The following ACTN4 variants were observed in gnomAD, a reference collection of about 807,000 sequenced individuals.
ACTN4 encodes alpha-actinin-4.
Under a neutral mutation model 114.2 loss-of-function variants are expected in ACTN4, and 18 were observed. The observed-to-expected ratio is 0.16, with a 90% CI of 0.11 to 0.23. The LOEUF is 0.23. Ranked by LOEUF, ACTN4 falls within the 10% of genes least tolerant of loss-of-function variation. ACTN4 has a pLI of 1.00. For missense variants in ACTN4, 722 were observed against 1,262.9 expected (o/e 0.57, Z 6.49); for synonymous variants, 515 against 506.3 (o/e 1.02, Z -0.23).
At chr19:38,682,023 G>A (rs1967593163) in intron 1 of ACTN4, among the ~76,000 whole-genome samples, 1 of 152,048 alleles carries the variant, frequency 6.6e-6, no homozygotes, top group African/African-American at 2.4e-5. Context: ...TAGAGACGGG[G>A]TTTTGCCATG....
At chr19:38,694,353 A>G (rs1013760994) in intron 1 of ACTN4, among the ~76,000 whole-genome samples, 2 of 151,036 alleles carry the variant, frequency 1.3e-5, no homozygotes, top group Non-Finnish European at 2.9e-5. Flanking sequence ...TCTACCTCCC[A>G]GGTTCAAGCG....
chr19:38,657,290 G>A (rs371298620), intron 1 of ACTN4, among the ~76,000 whole-genome samples: 2 of 151,944 alleles, frequency 1.3e-5, no homozygotes, highest in East Asian at 3.9e-4. Flanking sequence ...TTACAGGCGC[G>A]CGCCACGACG....
chr19:38,697,690 G>A (rs546082951), intron 1 of ACTN4, among the ~76,000 whole-genome samples: 2 of 152,370 alleles, frequency 1.3e-5, no homozygotes, highest in East Asian at 3.9e-4. Context: ...CAGCCCAGGT[G>A]CCTAGGTCTG....
At chr19:38,713,829 T>C (rs1195655660) in intron 8 of ACTN4, among the ~76,000 whole-genome samples, 1 of 152,130 alleles carries the variant, frequency 6.6e-6, no homozygotes, top group Non-Finnish European at 1.5e-5. Flanking sequence ...CTGCCTCCTC[T>C]ACACTGTTCA....
chr19:38,710,482 C>T (rs1568729916), intron 8 of ACTN4, 140 bp downstream of exon 8: 7 of 882,446 alleles, frequency 7.9e-6, no homozygotes, highest in South Asian at 4.0e-5. Context: ...AGCTCCCTGG[C>T]GTTGCTGCCC....
At position 38,688,454 on chromosome 19, in the gene ACTN4, C is replaced by T. The variant is rs1030195606; in HGVS notation, c.163-12146C>T. On this transcript the variant is annotated intron_variant, in intron 1 of 20. Transcript: ENST00000252699. The stretch of plus-strand genomic sequence containing the variant: ...GACATGGTGGTGGGCGCCTGTTGTC[C>T]CAGCTAGTGGGGAGGCTGAGGTGGG... Among the ~76,000 whole-genome samples, 4 of 150,180 alleles carry T rather than the reference C, an allele frequency of 2.7e-5. No homozygotes were observed. The South Asian group carries it at 6.3e-4, about 24-fold the overall frequency.
chr19:38,710,359 G>A lies in ACTN4; in HGVS notation c.819+17G>A, dbSNP rs764678933. On this transcript the variant is annotated intron_variant, in intron 8 of 20. Coordinates refer to ENST00000252699, the MANE Select transcript of ACTN4 (RefSeq NM_004924.6). ...GCGCAGAAGGTACCGAGCAGGGCCA[G>A]GCAGGCCCTCCTCGCCGCCACCGCG... The A allele has an allele frequency of 1.3e-5, 21 of 1,612,244 alleles. No individual in the cohort carries two copies. In the Admixed American group the frequency reaches 3.3e-4, roughly 26 times the overall value.
chr19:38,647,698 A>G lies in ACTN4; in HGVS notation c.-48A>G, dbSNP rs1013656637. The G allele has an allele frequency of 6.6e-7, 1 of 1,514,732 alleles. No individual in the cohort carries two copies. The allele number at this position is 1,514,732 out of a possible 1,614,324, so 93.8% of individuals were successfully genotyped here. On this transcript the variant is annotated 5_prime_UTR_variant, in exon 1 of 21. Transcript: ENST00000252699. Reference sequence around the variant, plus strand: ...GCGGCGGCTCGGGCAGAGGGGCGGGAGCTGAGGCGGGAGCGGACAGGCTGG... The same window carrying G: ...GCGGCGGCTCGGGCAGAGGGGCGGGGGCTGAGGCGGGAGCGGACAGGCTGG...
In ACTN4 at chr19:38,724,198, G is replaced by A. The variant is rs150938830; in HGVS notation, c.1734G>A (p.Pro578=). The change falls in exon 15 of 21, where the codon CCG becomes CCA. Residue 578 remains proline (P), a synonymous_variant. Coordinates refer to ENST00000252699, the MANE Select transcript of ACTN4 (RefSeq NM_004924.6). This position sits in a 1 kb window ranked among gnomAD's most constrained non-coding sequence, Gnocchi z 7.0. ...SAHDQFKSTL[P]DADREREAIL... ...ATGACCAGTTCAAGTCCACCCTGCC[G>A]GACGCCGATAGGGAGCGCGAGGCCA... is the stretch of plus-strand genomic sequence containing the variant. 4.6e-4 allele frequency: 750 copies of A among 1,613,852 alleles called. 1 individual carries two copies. Among genetic ancestry groups the A allele is most frequent in the Middle Eastern group, 6.6e-4 (4 of 6,062 alleles).
At chr19:38,697,846 C>T (rs1009752750) in intron 1 of ACTN4, among the ~76,000 whole-genome samples, 3 of 152,358 alleles carry the variant, frequency 2.0e-5, no homozygotes, top group African/African-American at 7.2e-5. Flanking sequence ...GCATCCGTGG[C>T]CACTTCCTTC....
chr19:38,726,237 G>A (rs569239429), intron 17 of ACTN4, among the ~76,000 whole-genome samples: 9 of 149,924 alleles, frequency 6.0e-5, no homozygotes, highest in African/African-American at 2.0e-4. Context: ...GAGGTGAGCC[G>A]AGGTCATGCC....
At chr19:38,718,752 C>T (rs964761953) in intron 11 of ACTN4, among the ~76,000 whole-genome samples, 9 of 152,290 alleles carry the variant, frequency 5.9e-5, no homozygotes, top group South Asian at 2.1e-4. Flanking sequence ...CCATCCAGGG[C>T]GAGTGTGTGG....
intron 1 of ACTN4, among the ~76,000 whole-genome samples, chr19:38,693,177 A>G (rs552529855): frequency 6.6e-6 from 1 of 152,066 alleles, no homozygotes. Flanking sequence ...GGGTCCGTGG[A>G]ATCCACATGT....
At chr19:38,728,760 G>A (rs1359573370) in intron 19 of ACTN4, among the ~76,000 whole-genome samples, 1 of 152,248 alleles carries the variant, frequency 6.6e-6, no homozygotes, top group Non-Finnish European at 1.5e-5. Flanking sequence ...GGAGGGTGCA[G>A]AGAGGCCCTG....
rs1568719291 is a variant in ACTN4, at chr19:38,701,131, AGG to A, written c.397+11_397+12del. On this transcript the variant is annotated intron_variant, in intron 3 of 20. Coordinates refer to ENST00000252699, the MANE Select transcript of ACTN4 (RefSeq NM_004924.6). ...TCCATCGGGGCAGAAGGTGAGCTGG[AGG>A]TGGGGCAGCGAGGGTCCTGCTCGGT... The A allele has an allele frequency of 6.2e-7, 1 of 1,613,780 alleles. No individual in the cohort carries two copies. The highest frequency in any genetic ancestry group is 8.5e-7 in the Non-Finnish European group (1 of 1,180,008).
chr19:38,695,927 G>T (rs1233552503), intron 1 of ACTN4, among the ~76,000 whole-genome samples: 2 of 152,060 alleles, frequency 1.3e-5, no homozygotes, highest in African/African-American at 2.4e-5. Flanking sequence ...CCAGCACCTG[G>T]CTTTAAACCC....
chr19:38,698,060 G>T lies in ACTN4; in HGVS notation c.163-2540G>T, dbSNP rs373189525. On this transcript the variant is annotated intron_variant, in intron 1 of 20. Transcript: ENST00000252699. Reference sequence around the variant, plus strand: ...TCCAATAAGACTAAAAGTGACTGGGGGTTGCTACGGGAGAGGTGCTGAGGG... The same window carrying T: ...TCCAATAAGACTAAAAGTGACTGGGTGTTGCTACGGGAGAGGTGCTGAGGG... 2.4e-4 allele frequency among the ~76,000 whole-genome samples: 36 copies of T among 152,310 alleles called. 1 individual carries two copies. The East Asian group carries it at 6.8e-3, about 29-fold the overall frequency.
rs758624252 is a variant in ACTN4, at chr19:38,731,126, G to A, written c.*1694G>A. The A allele has an allele frequency of 1.9e-6, 3 of 1,612,514 alleles. No homozygotes were observed. Among genetic ancestry groups the A allele is most frequent in the Non-Finnish European group, 1.7e-6 (2 of 1,179,796 alleles). On this transcript the variant is annotated 3_prime_UTR_variant, in exon 21 of 21. Transcript: ENST00000252699. ...ACTCACAGAAGATGCAGGTGAGGTG[G>A]GCCACACAGGACACGAACCGCTCGA...
At chr19:38,659,084 G>A (rs1483298007) in intron 1 of ACTN4, among the ~76,000 whole-genome samples, 1 of 21,268 alleles carries the variant, frequency 4.7e-5, no homozygotes, top group African/African-American at 1.1e-4. Context: ...TTTTTGAGAC[G>A]GAGTCTTACT....
Sources: gnomAD v4.1 joint callset for allele counts (sites outside exome capture counted in the v4.1 genomes callset) on GRCh38, gnomAD v4.1.1 for gene constraint, Gnocchi (gnomAD v3.1) non-coding constraint, MANE v1.5 for transcripts, NCBI Gene and HGNC (gene_info 2026-07-23, HGNC 2026-07-21) for gene names.